DLG2: variants seen among roughly 807,000 people sequenced by gnomAD.
The protein encoded by DLG2 is discs large MAGUK scaffold protein 2.
DLG2 carries 45 observed loss-of-function variants against 132.5 expected under a neutral mutation model. The ratio of observed to expected loss-of-function variants is 0.34; its 90% confidence interval spans 0.27 to 0.44. The LOEUF (loss-of-function observed/expected upper bound fraction) is 0.44, where lower values mean the gene tolerates loss of function less well. Among genes scored for constraint, DLG2 ranks in the 20% least tolerant of loss-of-function variants. DLG2 has a pLI of 1.00. For synonymous variants in DLG2, 424 were observed against 419.6 expected (o/e 1.01, Z -0.13); for missense variants, 1,045 against 1,196.9 (o/e 0.87, Z 1.87).
At chr11:85,171,998 G>A (rs1239271127) in intron 4 of DLG2, among the ~76,000 whole-genome samples, 1 of 152,224 alleles carries the variant, frequency 6.6e-6, no homozygotes, top group Non-Finnish European at 1.5e-5. Flanking sequence ...CACTGTCCCT[G>A]TGGTTCAGCT....
At chr11:84,976,059 T>C (rs1399447437) in intron 6 of DLG2, among the ~76,000 whole-genome samples, 1 of 152,210 alleles carries the variant, frequency 6.6e-6, no homozygotes, top group African/African-American at 2.4e-5. Context: ...TACATCTGGC[T>C]GACTTAGCCA....
intron 3 of DLG2, among the ~76,000 whole-genome samples, chr11:85,343,988 T>C (rs1257290729): frequency 6.6e-6 from 1 of 152,130 alleles, no homozygotes; most frequent in African/African-American, 2.4e-5. Flanking sequence ...GTGAAGGAAG[T>C]TAATTTTTAA....
In DLG2 at chr11:84,563,249, C is replaced by T. The variant is rs4459327; in HGVS notation, c.358-28518G>A. Among the ~76,000 whole-genome samples, 1,437 of 152,310 alleles carry T rather than the reference C, an allele frequency of 9.4e-3. 60 individuals carry two copies. The highest frequency in any genetic ancestry group is 0.076 in the Admixed American group (1,168 of 15,300). ...CGTCTGATATTGAGCTATCTCAAAA[C>T]ATGATGGTGAGTAAATGAATGAGTG... On this transcript the variant is annotated intron_variant, in intron 6 of 27. Transcript: ENST00000376104.
chr11:85,326,215 A>T (rs1393546411), intron 3 of DLG2, among the ~76,000 whole-genome samples: 30 of 123,046 alleles, frequency 2.4e-4, no homozygotes, highest in African/African-American at 9.7e-4. Flanking sequence ...ATTATCCAGG[A>T]GAACTTCCCC....
intron 4 of DLG2, among the ~76,000 whole-genome samples, chr11:85,188,624 A>C (rs1193134361): frequency 2.6e-5 from 4 of 152,244 alleles, no homozygotes; most frequent in African/African-American, 9.6e-5. Flanking sequence ...AAGTATGACT[A>C]TAATGACTCA....
rs542051573 is a variant in DLG2, at chr11:85,156,657, C to T, written c.187-2006G>A. ...AGGACCTGTCCTCTGATGAGACCCA[C>T]TGGAATCAAGATGCTGATTGAGCCT... On this transcript the variant is annotated intron_variant, in intron 4 of 27. Transcript: ENST00000376104. Among the ~76,000 whole-genome samples, 13 of 152,314 alleles carry T rather than the reference C, an allele frequency of 8.5e-5. No homozygotes were observed. The South Asian group carries it at 2.7e-3, about 32-fold the overall frequency.
At chr11:83,938,971 C>T (rs1476028666) in intron 14 of DLG2, among the ~76,000 whole-genome samples, 1 of 152,186 alleles carries the variant, frequency 6.6e-6, no homozygotes, top group Admixed American at 6.5e-5. Flanking sequence ...GAGATACTTT[C>T]TACCTGATAG....
chr11:84,919,312 C>T (rs1729416450), intron 6 of DLG2, among the ~76,000 whole-genome samples: 1 of 152,114 alleles, frequency 6.6e-6, no homozygotes, highest in Admixed American at 6.6e-5. Context: ...AAAAACTAAA[C>T]TTTCTTAAGC....
Position 85,207,754 on chromosome 11 carries a change from G to T in DLG2, c.187-53103C>A, listed in dbSNP as rs187817811. Among the ~76,000 whole-genome samples the T allele has an allele frequency of 1.3e-3, 200 of 152,094 alleles. 1 individual carries two copies. Among genetic ancestry groups the T allele is most frequent in the Admixed American group, 1.9e-3 (29 of 15,264 alleles). On this transcript the variant is annotated intron_variant, in intron 4 of 27. Coordinates refer to ENST00000376104, the MANE Select transcript of DLG2 (RefSeq NM_001142699.3). Reference sequence around the variant, plus strand: ...GATATTTATATATGGGGTGGGAATGGAACTTTCTTATCACTACTCAAATTA... The same window carrying T: ...GATATTTATATATGGGGTGGGAATGTAACTTTCTTATCACTACTCAAATTA...
At chr11:83,967,195 T>C (rs1013628250) in intron 12 of DLG2, among the ~76,000 whole-genome samples, 5 of 152,152 alleles carry the variant, frequency 3.3e-5, no homozygotes, top group African/African-American at 9.7e-5. Flanking sequence ...GCATTGAACA[T>C]GGGAGTGCAG....
chr11:83,820,564 G>T, intron 17 of DLG2, among the ~76,000 whole-genome samples: 1 of 152,128 alleles, frequency 6.6e-6, no homozygotes, highest in East Asian at 1.9e-4. Context: ...CCTGCTTTCA[G>T]AGTGATTTGT....
chr11:83,628,489 G>C (rs1362042799), intron 19 of DLG2, among the ~76,000 whole-genome samples: 1 of 152,082 alleles, frequency 6.6e-6, no homozygotes, highest in African/African-American at 2.4e-5. Flanking sequence ...TGGGATCGTG[G>C]GGGAATCATT....
chr11:84,821,596 T>C (rs1208196375), intron 6 of DLG2, among the ~76,000 whole-genome samples: 1 of 147,922 alleles, frequency 6.8e-6, no homozygotes, highest in African/African-American at 2.5e-5. Flanking sequence ...AGCTCCTATG[T>C]ATAGTTTGCT....
At chr11:84,254,493 A>C (rs1208149969) in intron 7 of DLG2, among the ~76,000 whole-genome samples, 3 of 152,156 alleles carry the variant, frequency 2.0e-5, no homozygotes, top group African/African-American at 7.2e-5. Context: ...TATTGACTAA[A>C]GGTAGTGATA....
chr11:83,865,414 T>C (rs534423598), intron 16 of DLG2, among the ~76,000 whole-genome samples: 7 of 151,126 alleles, frequency 4.6e-5, no homozygotes, highest in African/African-American at 1.7e-4. Context: ...TAAATTATAT[T>C]GCACTATGCA....
chr11:83,742,956 A>G (rs1297613784), intron 18 of DLG2, among the ~76,000 whole-genome samples: 2 of 152,214 alleles, frequency 1.3e-5, no homozygotes, highest in Non-Finnish European at 2.9e-5. Flanking sequence ...CTAGTGAGAA[A>G]GACAACACAG....
At chr11:84,061,477 T>A (rs563837933) in intron 10 of DLG2, among the ~76,000 whole-genome samples, 17 of 152,328 alleles carry the variant, frequency 1.1e-4, no homozygotes, top group African/African-American at 4.1e-4. Context: ...GTCCTCTGCT[T>A]AAAGCTGTCA....
chr11:85,272,362 C>T (rs1242510674), intron 4 of DLG2, among the ~76,000 whole-genome samples: 1 of 152,132 alleles, frequency 6.6e-6, no homozygotes, highest in Admixed American at 6.6e-5. Context: ...TAGACTAATA[C>T]ACATAGATTG....
chr11:83,804,579 GACAC>G lies in DLG2; in HGVS notation c.1723-17791_1723-17788del, dbSNP rs61221099. ...TTACCTACCTATCTGCCTAGCAGAA[GACAC>G]ACACACACACACACACACACACACA... On this transcript the variant is annotated intron_variant, in intron 17 of 27. Transcript: ENST00000376104. Among the ~76,000 whole-genome samples the G allele has an allele frequency of 3.4e-4, 49 of 142,114 alleles. No individual in the cohort carries two copies. In the South Asian group the frequency reaches 4.1e-3, roughly 12 times the overall value. 93.2% of individuals were successfully genotyped at this position (142,114 alleles called of 152,430 possible). A position where few individuals can be genotyped will look rare whatever the true frequency, so the allele number is the denominator to read the frequency against.
Sources: allele counts gnomAD v4.1 joint callset (sites outside exome capture counted in the v4.1 genomes callset), GRCh38; gene constraint gnomAD v4.1.1; transcripts MANE v1.5; gene names NCBI Gene and HGNC (gene_info 2026-07-23, HGNC 2026-07-21).